The following SCN3A variants were observed in gnomAD, a reference collection of about 807,000 sequenced individuals.
SCN3A encodes sodium channel protein type 3 subunit alpha.
A neutral mutation model predicts 187.6 loss-of-function variants in SCN3A; 60 were observed. The observed-to-expected ratio is 0.32, with a 90% CI of 0.26 to 0.40. The LOEUF (loss-of-function observed/expected upper bound fraction) is 0.40, where lower values mean the gene tolerates loss of function less well. Ranked by LOEUF, SCN3A falls within the 10% of genes least tolerant of loss-of-function variation. The probability of loss-of-function intolerance (pLI) is 1.00; values close to 1 mark genes in which losing one functional copy is unlikely to be tolerated. For synonymous variants in SCN3A, 788 were observed against 829.2 expected (o/e 0.95, Z 0.85); for missense variants, 1,601 against 2,428.2 (o/e 0.66, Z 7.16).
At chr2:165,152,461 A>G (rs970833057) in intron 11 of SCN3A, among the ~76,000 whole-genome samples, 2 of 152,238 alleles carry the variant, frequency 1.3e-5, no homozygotes, top group Non-Finnish European at 2.9e-5. Flanking sequence ...AATCATTCAA[A>G]TTGCAATTGA....
intron 15 of SCN3A, among the ~76,000 whole-genome samples, chr2:165,136,255 C>A (rs1687651962): frequency 6.6e-6 from 1 of 152,134 alleles, no homozygotes; most frequent in African/African-American, 2.4e-5. Flanking sequence ...TCTATATTTC[C>A]TGCTTCACTC....
intron 1 of SCN3A, among the ~76,000 whole-genome samples, chr2:165,202,343 A>G (rs1692374090): frequency 6.6e-6 from 1 of 152,032 alleles, no homozygotes; most frequent in Non-Finnish European, 1.5e-5. Flanking sequence ...ATTCATTCAT[A>G]AATGTAAACC....
intron 17 of SCN3A, among the ~76,000 whole-genome samples, chr2:165,128,476 A>G (rs1048647482): frequency 3.9e-5 from 6 of 152,108 alleles, no homozygotes; most frequent in African/African-American, 9.7e-5. Flanking sequence ...TAATCATTTT[A>G]TCTTACTTCA....
At chr2:165,156,064 T>C (rs1462738215) in intron 9 of SCN3A, among the ~76,000 whole-genome samples, 161 bp from the exon 10 acceptor site, 2 of 152,194 alleles carry the variant, frequency 1.3e-5, no homozygotes, top group Middle Eastern at 3.2e-3. Context: ...GTGAAACTTA[T>C]CAGATGAAAT....
At position 165,090,295 on chromosome 2, in the gene SCN3A, G is replaced by C; in HGVS notation, c.5858C>G (p.Ser1953Cys). 6.2e-7 allele frequency: 1 copy of C among 1,613,306 alleles called. No individual in the cohort carries two copies. The highest frequency in any genetic ancestry group is 1.1e-5 in the South Asian group (1 of 90,966). The change falls in exon 28 of 28, where the codon TCC (serine) becomes TGC (cysteine). Residue 1953 changes from serine to cysteine, a missense_variant. Physicochemically the swap from Ser to Cys is moderately radical, Grantham distance 112. Coordinates refer to ENST00000283254, the MANE Select transcript of SCN3A (RefSeq NM_006922.4). The surrounding 1 kb of genome is among the most constrained non-coding windows in gnomAD (Gnocchi z 4.0). ...DMIIDKLNGN[S>C]TPEKTDGSSS... ...ACTCCCATCTGTTTTTTCTGGAGTG[G>C]AGTTCCCATTTAGTTTGTCAATAAT...
chr2:165,099,268 G>A (rs912176787), intron 22 of SCN3A, among the ~76,000 whole-genome samples: 1 of 152,070 alleles, frequency 6.6e-6, no homozygotes, highest in Non-Finnish European at 1.5e-5. Context: ...GAATTCTACC[G>A]AGGGGCATGG....
chr2:165,180,667 C>T lies in SCN3A; in HGVS notation c.-50-4223G>A, dbSNP rs527606418. On this transcript the variant is annotated intron_variant, in intron 2 of 27. Transcript: ENST00000283254. The stretch of plus-strand genomic sequence containing the variant: ...CAAGCAATTCATTATGGGTGGACAT[C>T]ACCCTGCACAGAAGGGAGTGGTATG... Among the ~76,000 whole-genome samples, 133 of 152,214 alleles carry T rather than the reference C, an allele frequency of 8.7e-4. 1 individual carries two copies. Among genetic ancestry groups the T allele is most frequent in the Admixed American group, 2.0e-3 (30 of 15,282 alleles).
At chr2:165,141,626 C>T (rs915996241) in intron 12 of SCN3A, among the ~76,000 whole-genome samples, 5 of 152,208 alleles carry the variant, frequency 3.3e-5, no homozygotes, top group African/African-American at 2.4e-5. Context: ...AACTTACCTA[C>T]GATGTTGTCT....
chr2:165,099,484 C>T (rs1031784015), intron 22 of SCN3A, among the ~76,000 whole-genome samples: 2 of 152,024 alleles, frequency 1.3e-5, no homozygotes, highest in Non-Finnish European at 2.9e-5. Flanking sequence ...TTTGGGAGGC[C>T]GAGGCGGGCG....
intron 1 of SCN3A, among the ~76,000 whole-genome samples, chr2:165,192,621 T>G (rs1691683906): frequency 6.6e-6 from 1 of 152,122 alleles, no homozygotes; most frequent in African/African-American, 2.4e-5. Context: ...TTACATACTC[T>G]GTATATTTCC....
chr2:165,190,275 G>A (rs551670491), intron 1 of SCN3A, among the ~76,000 whole-genome samples: 4 of 152,184 alleles, frequency 2.6e-5, no homozygotes, highest in Admixed American at 1.3e-4. Flanking sequence ...TAGTAACTTC[G>A]ATCACCTTCG....
chr2:165,163,000 G>C (rs1004837049), intron 7 of SCN3A, among the ~76,000 whole-genome samples, 172 bp from the exon 8 acceptor site: 7 of 152,196 alleles, frequency 4.6e-5, no homozygotes, highest in Non-Finnish European at 8.8e-5. Flanking sequence ...TTTTACACAT[G>C]AACAGTGTGC....
rs775485970 is a variant in SCN3A at position 165,097,317 on chromosome 2, G to C, written c.4174C>G (p.Arg1392Gly). ...AAGTTTACTTTCACGTTTTTCCACC[G>C]AGCTTGCTTGCCAAGAGCCTGACAG... ...SDCQALGKQARWKNVKVNFDN... is the reference protein window; with the variant it reads ...SDCQALGKQAGWKNVKVNFDN... The change falls in exon 23 of 28, where the codon CGG (arginine) becomes GGG (glycine). Residue 1392 changes from arginine (R) to glycine (G), a missense_variant. Transcript: ENST00000283254. The C allele has an allele frequency of 1.9e-6, 3 of 1,613,946 alleles. No individual in the cohort carries two copies. Among genetic ancestry groups the C allele is most frequent in the South Asian group, 1.1e-5 (1 of 91,066 alleles).
intron 1 of SCN3A, among the ~76,000 whole-genome samples, chr2:165,194,064 G>C (rs1225382913): frequency 6.6e-6 from 1 of 152,066 alleles, no homozygotes; most frequent in Admixed American, 6.6e-5. Flanking sequence ...CAATATACTA[G>C]AAAAACATGC....
chr2:165,091,944 G>A, intron 27 of SCN3A: 1 of 422,800 alleles, frequency 2.4e-6, no homozygotes, highest in Non-Finnish European at 4.4e-6. Context: ...GCATTACAAT[G>A]ATTTGTTTTT....
At position 165,117,850 on chromosome 2, in the gene SCN3A, T is replaced by C. The variant is rs1449856928; in HGVS notation, c.3394-2275A>G. Among the ~76,000 whole-genome samples, 5 of 152,160 alleles carry C rather than the reference T, an allele frequency of 3.3e-5. No individual in the cohort carries two copies. The South Asian group carries it at 8.3e-4, about 25-fold the overall frequency. ...CACAGGTACTTTTCCATTTGAAAAC[T>C]TTAGAAAATATACTCACCCTTCACT... On this transcript the variant is annotated intron_variant, in intron 18 of 27. Transcript: ENST00000283254.
intron 11 of SCN3A, among the ~76,000 whole-genome samples, chr2:165,147,261 A>G (rs1189688024): frequency 1.5e-5 from 2 of 130,352 alleles, no homozygotes; most frequent in Admixed American, 1.7e-4. Flanking sequence ...GGTTTTGCCT[A>G]TCTTCTGGAT....
chr2:165,113,128 G>T, intron 20 of SCN3A, 70 bp from the exon 21 acceptor site: 1 of 1,125,068 alleles, frequency 8.9e-7, no homozygotes, highest in Non-Finnish European at 1.3e-6. Flanking sequence ...AAATTGCTTA[G>T]TATAATAGTG....
chr2:165,178,945 T>C (rs1191456332), intron 2 of SCN3A, among the ~76,000 whole-genome samples: 1 of 152,160 alleles, frequency 6.6e-6, no homozygotes, highest in African/African-American at 2.4e-5. Flanking sequence ...TTTTATGCTT[T>C]TGAGTGCAGA....
Sources: allele counts gnomAD v4.1 joint callset (sites outside exome capture counted in the v4.1 genomes callset), GRCh38; gene constraint gnomAD v4.1.1; non-coding constraint Gnocchi (gnomAD v3.1); transcripts MANE v1.5; gene names NCBI Gene and HGNC (gene_info 2026-07-23, HGNC 2026-07-21).